The following LDLRAD4 variants were observed in gnomAD, a reference collection of about 807,000 sequenced individuals.
The protein encoded by LDLRAD4 is low density lipoprotein receptor class A domain containing 4.
In LDLRAD4, 5 loss-of-function variants were observed where a neutral mutation model predicts 17.0. That is an observed-to-expected ratio of 0.29 (90% CI 0.15 to 0.62). The LOEUF (loss-of-function observed/expected upper bound fraction) is 0.62, where lower values mean the gene tolerates loss of function less well. Ranked by LOEUF, LDLRAD4 falls within the 20% of genes least tolerant of loss-of-function variation. The probability of loss-of-function intolerance (pLI) is 0.84; values close to 1 mark genes in which losing one functional copy is unlikely to be tolerated. For missense variants in LDLRAD4, 340 were observed against 424.7 expected (o/e 0.80, Z 1.75); for synonymous variants, 168 against 171.8 (o/e 0.98, Z 0.17).
intron 3 of LDLRAD4, among the ~76,000 whole-genome samples, chr18:13,492,099 A>G (rs914123233): frequency 1.3e-5 from 2 of 152,158 alleles, no homozygotes; most frequent in Non-Finnish European, 2.9e-5. Flanking sequence ...TCTAAGATCC[A>G]TGCCACCAAG....
Position 13,220,283 on chromosome 18 carries a change from C to G in LDLRAD4, c.-467+1295C>G, listed in dbSNP as rs188088610. Among the ~76,000 whole-genome samples, 3 of 152,310 alleles carry G rather than the reference C, an allele frequency of 2.0e-5. No individual in the cohort carries two copies. In the East Asian group the frequency reaches 5.8e-4, roughly 29 times the overall value. ...CTGTAATGGAATTGTAGCTACCTTC[C>G]TCCCTTGTTTTAAATGACCTCTCTA... On this transcript the variant is annotated intron_variant, in intron 1 of 5. Transcript: ENST00000399848.
intron 2 of LDLRAD4, chr18:13,427,454 C>G (rs939239834): frequency 6.6e-6 from 1 of 152,656 alleles, no homozygotes; most frequent in Non-Finnish European, 1.5e-5. Context: ...TGGCTCTGAG[C>G]TGGTTGCAGA....
chr18:13,550,269 A>G (rs1393453723), intron 3 of LDLRAD4, among the ~76,000 whole-genome samples: 1 of 152,238 alleles, frequency 6.6e-6, no homozygotes, highest in Non-Finnish European at 1.5e-5. Context: ...CAGAGCCCTG[A>G]GCTGACAGAC....
At chr18:13,408,621 C>T (rs1197763832) in intron 2 of LDLRAD4, among the ~76,000 whole-genome samples, 3 of 151,820 alleles carry the variant, frequency 2.0e-5, no homozygotes, top group Non-Finnish European at 4.4e-5. Flanking sequence ...TACAGGCACC[C>T]GCCACCACAC....
intron 3 of LDLRAD4, among the ~76,000 whole-genome samples, chr18:13,590,997 A>G (rs2095019919): frequency 6.6e-6 from 1 of 152,176 alleles, no homozygotes; most frequent in Non-Finnish European, 1.5e-5. Context: ...AGTATGAATT[A>G]AAAGGAGCAG....
intron 1 of LDLRAD4, among the ~76,000 whole-genome samples, chr18:13,378,257 C>T (rs2085075773): frequency 6.6e-6 from 1 of 152,156 alleles, no homozygotes; most frequent in Non-Finnish European, 1.5e-5. Context: ...GCAGCCTTCC[C>T]CTGAGTTCCC....
At chr18:13,543,949 C>A (rs2094322342) in intron 3 of LDLRAD4, among the ~76,000 whole-genome samples, 1 of 152,206 alleles carries the variant, frequency 6.6e-6, no homozygotes, top group Admixed American at 6.5e-5. Context: ...GGAGTATGTA[C>A]CCGGGGATAC....
intron 1 of LDLRAD4, among the ~76,000 whole-genome samples, chr18:13,289,076 ACT>A: frequency 6.6e-6 from 1 of 152,050 alleles, no homozygotes; most frequent in Non-Finnish European, 1.5e-5. Flanking sequence ...AGGAGCTGGG[ACT>A]CTGTTCCTCT....
chr18:13,285,785 A>G (rs1599125218), intron 1 of LDLRAD4, among the ~76,000 whole-genome samples: 1 of 151,924 alleles, frequency 6.6e-6, no homozygotes, highest in Non-Finnish European at 1.5e-5. Context: ...GGTGGGGGAA[A>G]CTCAAGCCAG....
At chr18:13,517,503 G>C (rs1431549439) in intron 3 of LDLRAD4, among the ~76,000 whole-genome samples, 1 of 152,214 alleles carries the variant, frequency 6.6e-6, no homozygotes, top group African/African-American at 2.4e-5. Flanking sequence ...TTAGATGTCT[G>C]AATGTCTCTG....
intron 3 of LDLRAD4, among the ~76,000 whole-genome samples, chr18:13,581,727 C>T (rs1014526071): frequency 6.6e-6 from 1 of 152,096 alleles, no homozygotes; most frequent in African/African-American, 2.4e-5. Context: ...TCTTGGTGGG[C>T]ATGTATACAG....
intron 1 of LDLRAD4, among the ~76,000 whole-genome samples, chr18:13,377,648 A>C (rs933255304): frequency 6.6e-6 from 1 of 152,194 alleles, no homozygotes; most frequent in African/African-American, 2.4e-5. Flanking sequence ...TCTCCAGAGG[A>C]AAGTGGGACT....
intron 1 of LDLRAD4, among the ~76,000 whole-genome samples, chr18:13,301,694 C>A (rs1402938486): frequency 6.6e-6 from 1 of 152,228 alleles, no homozygotes; most frequent in East Asian, 1.9e-4. Context: ...TTTCTTGAAG[C>A]AAGATTCTTT....
At chr18:13,443,704 C>CGTT (rs988663747) in intron 3 of LDLRAD4, among the ~76,000 whole-genome samples, 1 of 151,014 alleles carries the variant, frequency 6.6e-6, no homozygotes, top group Non-Finnish European at 1.5e-5. Context: ...TCGTCGTCGT[C>CGTT]GTCGTCTCCT....
At chr18:13,285,409 G>A (rs759446040) in intron 1 of LDLRAD4, among the ~76,000 whole-genome samples, 96 of 152,132 alleles carry the variant, frequency 6.3e-4, no homozygotes, top group Non-Finnish European at 1.1e-3. Context: ...CAGGCTTGCC[G>A]AGGACAGTCA....
chr18:13,311,270 C>T (rs1348788098), intron 1 of LDLRAD4, among the ~76,000 whole-genome samples: 1 of 152,356 alleles, frequency 6.6e-6, no homozygotes, highest in Non-Finnish European at 1.5e-5. Context: ...GGACTGACTT[C>T]AGTCTTTGTC....
At chr18:13,240,142 C>G (rs756600562) in intron 1 of LDLRAD4, 1 of 152,266 alleles carries the variant, frequency 6.6e-6, no homozygotes. Context: ...CTGAAAGACC[C>G]GACTCCAGAC....
At chr18:13,266,482 C>A (rs2044226395) in intron 1 of LDLRAD4, among the ~76,000 whole-genome samples, 2 of 152,242 alleles carry the variant, frequency 1.3e-5, no homozygotes, top group South Asian at 4.1e-4. Context: ...TCCTTTCTGG[C>A]ATGGGGCTCA....
chr18:13,279,146 G>A (rs910631079), intron 1 of LDLRAD4, among the ~76,000 whole-genome samples: 3 of 152,200 alleles, frequency 2.0e-5, no homozygotes, highest in Non-Finnish European at 4.4e-5. Flanking sequence ...ATGCCCAATC[G>A]ATTGGCTCTC....
Sources: gnomAD v4.1 joint callset for allele counts (sites outside exome capture counted in the v4.1 genomes callset) on GRCh38, gnomAD v4.1.1 for gene constraint, MANE v1.5 for transcripts, NCBI Gene and HGNC (gene_info 2026-07-23, HGNC 2026-07-21) for gene names.